Variants in ZNF160 observed in about 807,000 individuals in gnomAD.
The protein encoded by ZNF160 is KRAB zinc finger protein KR18.
Under a neutral mutation model 13.1 loss-of-function variants are expected in ZNF160, and 9 were observed. The ratio of observed to expected loss-of-function variants is 0.69; its 90% CI spans 0.41 to 1.20. The LOEUF (loss-of-function observed/expected upper bound fraction) is 1.20, where lower values mean the gene tolerates loss of function less well. Ranked by LOEUF, ZNF160 falls within the 50% of genes most tolerant of loss-of-function variation. The pLI, the probability that ZNF160 is intolerant of heterozygous loss-of-function variation, is 0.01. For missense variants in ZNF160, 838 were observed against 988.0 expected, an observed-to-expected ratio of 0.85 and a Z score of 2.04; for synonymous variants, 293 against 333.2, an observed-to-expected ratio of 0.88 and a Z score of 1.31.
At chr19:53,101,452 T>C (rs1305006115) in intron 1 of ZNF160, among the ~76,000 whole-genome samples, 3 of 150,690 alleles carry the variant, frequency 2.0e-5, no homozygotes, top group Non-Finnish European at 4.4e-5. Flanking sequence ...ATGTATATGA[T>C]ATATTAACTA....
At chr19:53,074,049 C>T in intron 5 of ZNF160, 91 bp downstream of exon 5, 1 of 1,338,232 alleles carries the variant, frequency 7.5e-7, no homozygotes, top group Non-Finnish European at 1.1e-6. Context: ...CTTGGCCTCC[C>T]TAAGTGTTGA....
intron 2 of ZNF160, among the ~76,000 whole-genome samples, chr19:53,089,804 C>T (rs1010387884): frequency 4.0e-5 from 6 of 151,882 alleles, no homozygotes; most frequent in African/African-American, 7.3e-5. Flanking sequence ...TCATCCTCAC[C>T]TTCCCTCCCT....
At chr19:53,072,796 A>T in intron 5 of ZNF160, 1 of 284,576 alleles carries the variant, frequency 3.5e-6, no homozygotes, top group Non-Finnish European at 5.3e-6. Flanking sequence ...AGTTGCGGTG[A>T]GCCGAGATCG....
At chr19:53,085,739 T>C (rs760988607) in intron 3 of ZNF160, 4 of 344,796 alleles carry the variant, frequency 1.2e-5, no homozygotes, top group Non-Finnish European at 2.1e-5. Flanking sequence ...CTATCTCCAA[T>C]GTCAGTGTCT....
At position 53,076,405 on chromosome 19, in the gene ZNF160, C is replaced by T. The variant is rs566657081; in HGVS notation, c.16-1222G>A. On this transcript the variant is annotated intron_variant, in intron 3 of 5. Coordinates refer to ENST00000683776, the MANE Select transcript of ZNF160 (RefSeq NM_001322131.2). ...CCTGTAATCCAGCACTTTGAAAGGC[C>T]GAGGCGGGTGGATTACTTGAGGTCA... is the stretch of plus-strand genomic sequence containing the variant. 2.6e-4 allele frequency among the ~76,000 whole-genome samples: 39 copies of T among 152,080 alleles called. No homozygotes were observed. In the South Asian group the frequency reaches 6.3e-3, roughly 24 times the overall value.
intron 1 of ZNF160, among the ~76,000 whole-genome samples, chr19:53,098,796 T>C (rs1243737037): frequency 1.3e-5 from 2 of 151,066 alleles, no homozygotes; most frequent in East Asian, 1.9e-4. Context: ...CGGTGATGTG[T>C]AGAGCGCGGA....
Position 53,068,200 on chromosome 19 carries a change from G to A in ZNF160, c.2334C>T (p.Thr778=). 3 of 1,614,062 alleles carry A rather than the reference G, an allele frequency of 1.9e-6. No homozygotes were observed. Among genetic ancestry groups the A allele is most frequent in the Non-Finnish European group, 2.5e-6 (3 of 1,180,004 alleles). Residue 778 remains threonine (T), a synonymous_variant, in exon 6 of 6, where the codon ACC becomes ACT. Transcript: ENST00000683776. ...KAFRVRSSLT[T]HMAIHTGEKR... is the part of the protein sequence containing the mutation. ...TTTCTCCAGTGTGGATTGCCATATG[G>A]GTAGTTAGACTTGATCTTACCCTAA...
intron 1 of ZNF160, among the ~76,000 whole-genome samples, chr19:53,100,602 T>C (rs1472501859): frequency 6.6e-6 from 1 of 150,920 alleles, no homozygotes. Flanking sequence ...AGAGCGAGAC[T>C]CCGTCTCCAA....
intron 5 of ZNF160, among the ~76,000 whole-genome samples, chr19:53,070,922 G>C (rs930228349): frequency 6.6e-6 from 1 of 152,086 alleles, no homozygotes; most frequent in South Asian, 2.1e-4. Flanking sequence ...ATTAGGCCAG[G>C]TGTGGTGGCT....
chr19:53,086,583 G>C (rs1254583243), intron 2 of ZNF160, among the ~76,000 whole-genome samples: 1 of 152,100 alleles, frequency 6.6e-6, no homozygotes, highest in Non-Finnish European at 1.5e-5. Flanking sequence ...CAGCAGTGGG[G>C]AGCTGGGCTG....
intron 4 of ZNF160, among the ~76,000 whole-genome samples, chr19:53,074,648 C>T (rs138468180): frequency 3.7e-5 from 5 of 136,052 alleles, no homozygotes; most frequent in African/African-American, 5.4e-5. Context: ...CCAGCCCGGG[C>T]GACAGAGCGA....
chr19:53,075,178 C>G lies in ZNF160; in HGVS notation c.21G>C (p.Arg7=), dbSNP rs1436636793. The stretch of plus-strand genomic sequence containing the variant: ...CTATGGCCACATCCCTAAATGTCAA[C>G]CGTACCTAAAATGAAAAACACATTT... MALTQV[R]LTFRDVAIEF... The change falls in exon 4 of 6, where the codon CGG becomes CGC. Residue 7 remains arginine, a synonymous_variant. Coordinates refer to ENST00000683776, the MANE Select transcript of ZNF160 (RefSeq NM_001322131.2). The G allele has an allele frequency of 1.9e-6, 3 of 1,613,758 alleles. No individual in the cohort carries two copies. The highest frequency in any genetic ancestry group is 2.5e-6 in the Non-Finnish European group (3 of 1,179,940).
intron 1 of ZNF160, among the ~76,000 whole-genome samples, chr19:53,102,154 TC>T (rs1344874653): frequency 1.3e-5 from 2 of 152,198 alleles, no homozygotes; most frequent in Non-Finnish European, 2.9e-5. Flanking sequence ...ACTCCATTCT[TC>T]CAATTTGTTT....
At chr19:53,094,299 C>G (rs2145950471) in intron 1 of ZNF160, among the ~76,000 whole-genome samples, 1 of 152,318 alleles carries the variant, frequency 6.6e-6, no homozygotes, top group African/African-American at 2.4e-5. Flanking sequence ...TCTCTTTCTT[C>G]CATCCCGGTG....
chr19:53,069,777 A>G lies in ZNF160; in HGVS notation c.757T>C (p.Cys253Arg), dbSNP rs1392436926. 2 of 1,614,214 alleles carry G rather than the reference A, an allele frequency of 1.2e-6. No individual in the cohort carries two copies. The highest frequency in any genetic ancestry group is 1.7e-5 in the Admixed American group (1 of 60,026). ...TCATTACATTTATAAGGTTTTCCAC[A>G]ACTGTTTGCTTTTCGTCTTTGTGTG... Reference protein sequence around the residue: ...LLTQRRKANSCGKPYKCNECG... With the variant: ...LLTQRRKANSRGKPYKCNECG... Residue 253 changes from cysteine to arginine, a missense_variant, in exon 6 of 6, where the codon TGT (cysteine) becomes CGT (arginine). Transcript: ENST00000683776. The surrounding 1 kb of genome is among the most constrained non-coding windows in gnomAD (Gnocchi z 4.4).
intron 5 of ZNF160, among the ~76,000 whole-genome samples, chr19:53,070,523 G>A (rs1289225943): frequency 5.3e-5 from 8 of 151,838 alleles, no homozygotes; most frequent in South Asian, 2.1e-4. Context: ...CCATTCTCCC[G>A]CCTCAGCCTC....
rs771195166 is a variant in ZNF160, at chr19:53,068,097, C to T, written c.2437G>A (p.Gly813Arg). The part of the protein sequence containing the change: ...NLASHHRMHT[G>R]EKPYK ...CACACTCATTTGTAAGGTTTCTCTC[C>T]GGTATGCATTCTGTGATGACTTGCA... The change falls in exon 6 of 6, where the codon GGA becomes AGA. Residue 813 changes from glycine (G) to arginine (R), a missense_variant. By Grantham distance (125) the Gly-to-Arg change is moderately radical. Coordinates refer to ENST00000683776, the MANE Select transcript of ZNF160 (RefSeq NM_001322131.2). The T allele has an allele frequency of 1.4e-5, 22 of 1,607,914 alleles. No individual in the cohort carries two copies. Among genetic ancestry groups the T allele is most frequent in the Middle Eastern group, 1.7e-4 (1 of 5,934 alleles).
intron 2 of ZNF160, among the ~76,000 whole-genome samples, chr19:53,088,668 G>C (rs73068945): frequency 4.6e-5 from 7 of 152,100 alleles, no homozygotes; most frequent in African/African-American, 1.7e-4. Context: ...AGAAAAAAAG[G>C]CTTTATCATG....
chr19:53,077,575 CAG>C (rs1264720116), intron 3 of ZNF160, among the ~76,000 whole-genome samples: 1 of 148,566 alleles, frequency 6.7e-6, no homozygotes, highest in Non-Finnish European at 1.5e-5. Context: ...GAGGCTGAGA[CAG>C]AGAATCGCTT....
Sources: gnomAD v4.1 joint callset for allele counts (sites outside exome capture counted in the v4.1 genomes callset) on GRCh38, gnomAD v4.1.1 for gene constraint, Gnocchi (gnomAD v3.1) non-coding constraint, MANE v1.5 for transcripts, NCBI Gene and HGNC (gene_info 2026-07-23, HGNC 2026-07-21) for gene names.